BRINP3: variants seen among roughly 807,000 people sequenced by gnomAD.
The protein encoded by BRINP3 is BMP/retinoic acid inducible neural specific 3, also known as BMP/retinoic acid-inducible neural-specific protein 3.
In BRINP3, 19 loss-of-function variants were observed where a neutral mutation model predicts 71.0. The observed-to-expected ratio is 0.27, with a 90% CI of 0.19 to 0.39. The LOEUF is 0.39. Ranked by LOEUF, BRINP3 falls within the 10% of genes least tolerant of loss-of-function variation. BRINP3 has a pLI of 1.00. For synonymous variants in BRINP3, 380 were observed against 337.7 expected, an observed-to-expected ratio of 1.13 and a Z score of -1.37; for missense variants, 959 against 940.8, an observed-to-expected ratio of 1.02 and a Z score of -0.25.
chr1:190,236,729 A>C (rs74131323), intron 4 of BRINP3, among the ~76,000 whole-genome samples: 389 of 152,142 alleles, frequency 2.6e-3, no homozygotes, highest in African/African-American at 8.7e-3. Context: ...TGTATGTATA[A>C]TTAATATTTA....
intron 4 of BRINP3, among the ~76,000 whole-genome samples, chr1:190,246,689 A>G (rs1020239063): frequency 3.3e-5 from 5 of 152,196 alleles, no homozygotes; most frequent in Admixed American, 2.6e-4. Context: ...GCTTTCTGCC[A>G]TGAACTAAAT....
At chr1:190,456,696 G>A (rs12093056) in intron 1 of BRINP3, among the ~76,000 whole-genome samples, 30,057 of 151,592 alleles carry the variant, frequency 0.2, 3,054 homozygotes, top group Middle Eastern at 0.23. Context: ...AATATTACTC[G>A]TCTTTGTTAA....
At chr1:190,476,859 G>GA (rs199976088) in intron 1 of BRINP3, among the ~76,000 whole-genome samples, 102 of 150,770 alleles carry the variant, frequency 6.8e-4, no homozygotes, top group African/African-American at 1.8e-3. Flanking sequence ...AATATTTTAA[G>GA]AAAAAAAAAT....
chr1:190,232,507 G>A (rs1038299148), intron 5 of BRINP3, among the ~76,000 whole-genome samples: 2 of 151,938 alleles, frequency 1.3e-5, no homozygotes, highest in African/African-American at 4.8e-5. Flanking sequence ...GTACCGATAG[G>A]TGTATAAATA....
intron 2 of BRINP3, among the ~76,000 whole-genome samples, chr1:190,377,252 T>C (rs1283757670): frequency 6.6e-6 from 1 of 152,030 alleles, no homozygotes; most frequent in African/African-American, 2.4e-5. Flanking sequence ...CTCAAACCAC[T>C]GAGCAACAAA....
intron 4 of BRINP3, among the ~76,000 whole-genome samples, chr1:190,236,836 A>T (rs975019583): frequency 6.6e-6 from 1 of 152,028 alleles, no homozygotes; most frequent in Non-Finnish European, 1.5e-5. Context: ...ATATTATTCT[A>T]TCATGTGGTT....
intron 2 of BRINP3, among the ~76,000 whole-genome samples, chr1:190,394,423 T>G (rs977695090): frequency 1.3e-5 from 2 of 151,634 alleles, no homozygotes; most frequent in Middle Eastern, 6.9e-3. Flanking sequence ...TTCAAATTAC[T>G]AATTATCTGT....
chr1:190,403,456 G>A (rs1672065804), intron 2 of BRINP3, among the ~76,000 whole-genome samples: 1 of 152,078 alleles, frequency 6.6e-6, no homozygotes, highest in Non-Finnish European at 1.5e-5. Context: ...GCATCAAAAT[G>A]CCTGGCAACA....
At chr1:190,447,539 AT>A (rs1675308523) in intron 2 of BRINP3, among the ~76,000 whole-genome samples, 1 of 147,174 alleles carries the variant, frequency 6.8e-6, no homozygotes, top group South Asian at 2.1e-4. Flanking sequence ...CTATATATAT[AT>A]AAAATATATA....
chr1:190,345,129 C>A (rs1349456182), intron 2 of BRINP3, among the ~76,000 whole-genome samples: 1 of 151,752 alleles, frequency 6.6e-6, no homozygotes, highest in Non-Finnish European at 1.5e-5. Flanking sequence ...CCTTTAATAT[C>A]AGATCTACTG....
intron 2 of BRINP3, among the ~76,000 whole-genome samples, chr1:190,299,848 T>G (rs1664539387): frequency 6.6e-6 from 1 of 152,006 alleles, no homozygotes; most frequent in African/African-American, 2.4e-5. Context: ...GGGTTGAAAA[T>G]TCTTTTCTTT....
At chr1:190,316,872 T>A (rs1665914921) in intron 2 of BRINP3, among the ~76,000 whole-genome samples, 1 of 152,058 alleles carries the variant, frequency 6.6e-6, no homozygotes, top group South Asian at 2.1e-4. Context: ...TGGATTATCA[T>A]TTATTATGCT....
intron 2 of BRINP3, among the ~76,000 whole-genome samples, chr1:190,453,201 GTATTT>G (rs1675741156): frequency 5.3e-5 from 2 of 37,882 alleles, no homozygotes; most frequent in African/African-American, 7.7e-5. Flanking sequence ...AAAAACTTTA[GTATTT>G]TTTTTTTTTT....
chr1:190,146,827 A>G (rs1049413587), intron 7 of BRINP3, among the ~76,000 whole-genome samples: 5 of 152,062 alleles, frequency 3.3e-5, no homozygotes, highest in Admixed American at 3.3e-4. Context: ...AATTTCAATT[A>G]ATATTGTATT....
intron 5 of BRINP3, among the ~76,000 whole-genome samples, chr1:190,232,328 T>C (rs1309472825): frequency 2.0e-5 from 3 of 152,010 alleles, no homozygotes; most frequent in Non-Finnish European, 2.9e-5. Flanking sequence ...AATTAACAAA[T>C]TGTTCCCATT....
intron 2 of BRINP3, among the ~76,000 whole-genome samples, chr1:190,321,973 AT>A (rs1234728952): frequency 6.6e-6 from 1 of 152,048 alleles, no homozygotes; most frequent in African/African-American, 2.4e-5. Flanking sequence ...TAATGAAATG[AT>A]TTTTAAAACT....
At chr1:190,314,903 A>C (rs541065830) in intron 2 of BRINP3, among the ~76,000 whole-genome samples, 1 of 152,158 alleles carries the variant, frequency 6.6e-6, no homozygotes, top group Non-Finnish European at 1.5e-5. Flanking sequence ...AAGGTAAAAC[A>C]AAAACAAGAA....
intron 2 of BRINP3, among the ~76,000 whole-genome samples, chr1:190,434,655 T>A (rs999534939): frequency 6.6e-6 from 1 of 151,982 alleles, no homozygotes; most frequent in East Asian, 1.9e-4. Context: ...ATAAATAACA[T>A]CTTACTATTA....
At chr1:190,204,444 C>G (rs1655310119) in intron 6 of BRINP3, among the ~76,000 whole-genome samples, 1 of 85,630 alleles carries the variant, frequency 1.2e-5, no homozygotes, top group Admixed American at 1.1e-4. Context: ...ATATTAAAAA[C>G]TAGATGGAAA....
Sources: gnomAD v4.1 joint callset for allele counts (sites outside exome capture counted in the v4.1 genomes callset) on GRCh38, gnomAD v4.1.1 for gene constraint, MANE v1.5 for transcripts, NCBI Gene and HGNC (gene_info 2026-07-23, HGNC 2026-07-21) for gene names.